ITGA9: variants seen among roughly 807,000 people sequenced by gnomAD.
ITGA9 encodes integrin subunit alpha 9.
In ITGA9, 56 loss-of-function variants were observed where a neutral mutation model predicts 127.8. The ratio of observed to expected loss-of-function variants is 0.44; its 90% CI spans 0.35 to 0.55. ITGA9 has a LOEUF of 0.55. Among genes scored for constraint, ITGA9 ranks in the 20% least tolerant of loss-of-function variants. The pLI, the probability that ITGA9 is intolerant of heterozygous loss-of-function variation, is 0.00. For missense variants in ITGA9, 1,196 were observed against 1,347.1 expected, an observed-to-expected ratio of 0.89 and a Z score of 1.76; for synonymous variants, 508 against 514.5, an observed-to-expected ratio of 0.99 and a Z score of 0.17.
At chr3:37,678,698 A>G (rs1446050214) in intron 17 of ITGA9, among the ~76,000 whole-genome samples, 4 of 152,248 alleles carry the variant, frequency 2.6e-5, no homozygotes, top group Admixed American at 6.5e-5. Flanking sequence ...AAGTGATCCA[A>G]CAGAATATTA....
At chr3:37,534,805 A>G (rs1579093879) in intron 14 of ITGA9, among the ~76,000 whole-genome samples, 1 of 152,250 alleles carries the variant, frequency 6.6e-6, no homozygotes, top group East Asian at 1.9e-4. Flanking sequence ...TCAAGATCAC[A>G]CAGATATTGT....
chr3:37,595,251 A>C (rs1416932638), intron 15 of ITGA9, among the ~76,000 whole-genome samples: 1 of 152,072 alleles, frequency 6.6e-6, no homozygotes, highest in East Asian at 1.9e-4. Flanking sequence ...CAGTGTCAGC[A>C]GCTCTCCTAT....
chr3:37,784,641 A>G (rs1025716506), intron 25 of ITGA9, among the ~76,000 whole-genome samples: 2 of 152,222 alleles, frequency 1.3e-5, no homozygotes, highest in African/African-American at 4.8e-5. Context: ...ACAATTAAAC[A>G]GCTTTATTTA....
chr3:37,509,046 C>T lies in ITGA9; in HGVS notation c.897+419C>T, dbSNP rs575325341. On this transcript the variant is annotated intron_variant, in intron 8 of 27. Coordinates refer to ENST00000264741, the MANE Select transcript of ITGA9 (RefSeq NM_002207.3). ...CTGTTTCACCAGCCCAACATTACCC[C>T]CTTCCCTAATCCTCAGCCCTCAACT... 2.6e-5 allele frequency among the ~76,000 whole-genome samples: 4 copies of T among 152,300 alleles called. No individual in the cohort carries two copies. The South Asian group carries it at 6.2e-4, about 24-fold the overall frequency.
chr3:37,512,460 C>T (rs920100481), intron 8 of ITGA9, among the ~76,000 whole-genome samples: 4 of 151,740 alleles, frequency 2.6e-5, no homozygotes, highest in Non-Finnish European at 4.4e-5. Flanking sequence ...CCTTGTGATC[C>T]ACCCGCCTCC....
At chr3:37,658,370 T>C (rs1313979675) in intron 17 of ITGA9, among the ~76,000 whole-genome samples, 2 of 152,228 alleles carry the variant, frequency 1.3e-5, no homozygotes, top group East Asian at 3.8e-4. Flanking sequence ...TGTGTGCTCC[T>C]GTATTGGGTG....
intron 13 of ITGA9, among the ~76,000 whole-genome samples, chr3:37,533,085 T>C (rs1699172948): frequency 6.6e-6 from 1 of 152,196 alleles, no homozygotes; most frequent in Non-Finnish European, 1.5e-5. Context: ...AACAACAAAC[T>C]TGCTTTTATT....
At position 37,712,575 on chromosome 3, in the gene ITGA9, C is replaced by T. The variant is rs140674875; in HGVS notation, c.2068-20137C>T. Among the ~76,000 whole-genome samples the T allele has an allele frequency of 2.3e-3, 348 of 152,258 alleles. 4 individuals carry two copies. The highest frequency in any genetic ancestry group is 8.0e-3 in the African/African-American group (331 of 41,542). On this transcript the variant is annotated intron_variant, in intron 18 of 27. Transcript: ENST00000264741. Reference sequence around the variant, plus strand: ...GAAAGTACCTGGGGTTGGCTTCGACCACAGCTTCTGGTTGGACCTCTGGAA... The same window carrying T: ...GAAAGTACCTGGGGTTGGCTTCGACTACAGCTTCTGGTTGGACCTCTGGAA...
intron 5 of ITGA9, among the ~76,000 whole-genome samples, chr3:37,497,778 G>A (rs1041465793): frequency 1.3e-5 from 2 of 152,270 alleles, no homozygotes; most frequent in East Asian, 3.9e-4. Context: ...GTCTAGTATT[G>A]TATGACTTGA....
At chr3:37,567,434 C>T (rs1699558347) in intron 15 of ITGA9, among the ~76,000 whole-genome samples, 2 of 152,136 alleles carry the variant, frequency 1.3e-5, no homozygotes, top group African/African-American at 4.8e-5. Flanking sequence ...CGCCCCGGCC[C>T]CTTCCAAATA....
chr3:37,525,494 A>G (rs1699084491), intron 12 of ITGA9, among the ~76,000 whole-genome samples: 1 of 152,170 alleles, frequency 6.6e-6, no homozygotes, highest in African/African-American at 2.4e-5. Context: ...GTGGAGGGTG[A>G]CAATTCCATG....
chr3:37,763,904 T>G (rs1294191332), intron 23 of ITGA9, among the ~76,000 whole-genome samples: 2 of 152,216 alleles, frequency 1.3e-5, no homozygotes, highest in Non-Finnish European at 2.9e-5. Flanking sequence ...GGTGAGAGGT[T>G]CCTTCTAACA....
At chr3:37,516,061 T>C (rs78560781) in intron 9 of ITGA9, among the ~76,000 whole-genome samples, 5,981 of 152,170 alleles carry the variant, frequency 0.039, 340 homozygotes, top group South Asian at 0.2. Flanking sequence ...TGCCATTGTA[T>C]TTGCAGGAGA....
chr3:37,593,676 A>C (rs1203193072), intron 15 of ITGA9, among the ~76,000 whole-genome samples: 1 of 152,248 alleles, frequency 6.6e-6, no homozygotes, highest in Non-Finnish European at 1.5e-5. Context: ...TTAGGGCTTA[A>C]AAATGTGAAT....
At chr3:37,516,894 C>G (rs950035348) in intron 9 of ITGA9, among the ~76,000 whole-genome samples, 1 of 152,096 alleles carries the variant, frequency 6.6e-6, no homozygotes, top group Non-Finnish European at 1.5e-5. Flanking sequence ...TTAACCCCCT[C>G]CCTCTGTTGG....
At chr3:37,508,528 C>T in intron 7 of ITGA9, 31 bp from the exon 8 acceptor site, 1 of 1,560,962 alleles carries the variant, frequency 6.4e-7, no homozygotes, top group Non-Finnish European at 8.8e-7. Context: ...TGATTTCATC[C>T]TAACTAGATT....
intron 15 of ITGA9, among the ~76,000 whole-genome samples, chr3:37,550,508 G>C (rs1699368580): frequency 6.6e-6 from 1 of 152,134 alleles, no homozygotes; most frequent in Non-Finnish European, 1.5e-5. Flanking sequence ...AATTTCCCTG[G>C]TGTAAATATT....
chr3:37,649,124 AAAAAGAAACAAAAC>A (rs1304462428), intron 16 of ITGA9, among the ~76,000 whole-genome samples: 1 of 151,586 alleles, frequency 6.6e-6, no homozygotes, highest in Admixed American at 6.6e-5. Flanking sequence ...TACAAAAAAA[AAAAAGAAACAAAAC>A]AAAAGAAAAC....
At chr3:37,616,875 G>A (rs561306726) in intron 15 of ITGA9, among the ~76,000 whole-genome samples, 2 of 152,286 alleles carry the variant, frequency 1.3e-5, no homozygotes, top group East Asian at 3.9e-4. Context: ...CGTGAGATGG[G>A]TCTGCTGAAT....
Sources: allele counts gnomAD v4.1 joint callset (sites outside exome capture counted in the v4.1 genomes callset), GRCh38; gene constraint gnomAD v4.1.1; transcripts MANE v1.5; gene names NCBI Gene and HGNC (gene_info 2026-07-23, HGNC 2026-07-21).